METTL21C: variants seen among roughly 807,000 people sequenced by gnomAD.
METTL21C encodes methyltransferase 21C, AARS1 lysine.
In METTL21C, 21 loss-of-function variants were observed where a neutral mutation model predicts 25.9. That is an observed-to-expected ratio of 0.81 (90% CI 0.58 to 1.17). The LOEUF (loss-of-function observed/expected upper bound fraction) is 1.17, where lower values mean the gene tolerates loss of function less well. Ranked by LOEUF, METTL21C falls within the 50% of genes most tolerant of loss-of-function variation. The probability of loss-of-function intolerance (pLI) is 0.00; values close to 1 mark genes in which losing one functional copy is unlikely to be tolerated. For synonymous variants in METTL21C, 125 were observed against 124.7 expected (o/e 1.00, Z -0.01); for missense variants, 312 against 315.1 (o/e 0.99, Z 0.07).
chr13:102,702,887 A>G, the METTL21C span, among the ~76,000 whole-genome samples: 3 of 152,294 alleles, frequency 2.0e-5, no homozygotes, highest in East Asian at 5.8e-4. Context: ...CACTGCAACC[A>G]ACCCCAAAAA....
chr13:102,688,604 TA>T (rs1361481921), intron 2 of METTL21C, among the ~76,000 whole-genome samples: 1 of 151,844 alleles, frequency 6.6e-6, no homozygotes, highest in East Asian at 1.9e-4. Context: ...CTCCAGAGCT[TA>T]GAAGGGAAGT....
At chr13:102,692,741 G>A (rs1220007729) in intron 1 of METTL21C, among the ~76,000 whole-genome samples, 1 of 152,202 alleles carries the variant, frequency 6.6e-6, no homozygotes, top group Non-Finnish European at 1.5e-5. Context: ...TGGGACCTCA[G>A]TGAACTTGCA....
upstream of METTL21C, among the ~76,000 whole-genome samples, chr13:102,696,859 A>G (rs1885954866): frequency 6.6e-6 from 1 of 152,140 alleles, no homozygotes; most frequent in Non-Finnish European, 1.5e-5. Context: ...TATTGAGCGA[A>G]ACTCTGAGTG....
the METTL21C span, among the ~76,000 whole-genome samples, chr13:102,703,142 C>T: frequency 4.7e-4 from 72 of 152,254 alleles, no homozygotes; most frequent in African/African-American, 1.6e-3. Context: ...TGACATTTAC[C>T]AATGACACCT....
chr13:102,690,936 A>G lies in METTL21C; in HGVS notation c.159T>C (p.His53=). Residue 53 remains histidine, a synonymous_variant, in exon 2 of 4, where the codon CAT becomes CAC. Transcript: ENST00000267273. ...EESNKIEPSL[H]SLQKFVPTDY... is the part of the protein sequence containing the mutation. ...CTGTAGGAACAAATTTCTGGAGGCT[A>G]TGAAGAGATGGTTCTATCTTGTTGG... 2.5e-6 allele frequency: 4 copies of G among 1,614,204 alleles called. No homozygotes were observed. Among genetic ancestry groups the G allele is most frequent in the Admixed American group, 3.3e-5 (2 of 60,020 alleles).
At position 102,686,019 on chromosome 13, in the gene METTL21C, A is replaced by AT; in HGVS notation, c.*11dup. ...AAGACACAGTAACGTTGTGAAAGGCATTTTGTTGGATTTAGTCCCATTTTA... is the reference window on the plus strand; with the variant it reads ...AAGACACAGTAACGTTGTGAAAGGCATTTTTGTTGGATTTAGTCCCATTTTA... On this transcript the variant is annotated 3_prime_UTR_variant, in exon 4 of 4. Transcript: ENST00000267273. 1 of 1,549,756 alleles carries AT rather than the reference A, an allele frequency of 6.5e-7. No homozygotes were observed. Among genetic ancestry groups the AT allele is most frequent in the Non-Finnish European group, 8.7e-7 (1 of 1,146,946 alleles).
the METTL21C span, among the ~76,000 whole-genome samples, chr13:102,701,884 G>A: frequency 1.3e-5 from 2 of 152,080 alleles, no homozygotes; most frequent in Non-Finnish European, 2.9e-5. Context: ...AGGGGACTTC[G>A]GCAGGGCCCA....
chr13:102,696,061 C>CT (rs199772926), upstream of METTL21C, among the ~76,000 whole-genome samples: 21 of 148,694 alleles, frequency 1.4e-4, no homozygotes, highest in South Asian at 2.1e-4. Context: ...ACCTCACCAA[C>CT]TTTTTTTTTT....
At chr13:102,692,722 C>T (rs1200464643) in intron 1 of METTL21C, among the ~76,000 whole-genome samples, 1 of 152,280 alleles carries the variant, frequency 6.6e-6, no homozygotes, top group Admixed American at 6.5e-5. Context: ...AGGTGAGCTT[C>T]CAGAAACCTG....
chr13:102,691,567 C>T (rs1323643630), intron 1 of METTL21C, among the ~76,000 whole-genome samples: 1 of 152,218 alleles, frequency 6.6e-6, no homozygotes, highest in African/African-American at 2.4e-5. Flanking sequence ...TCAGGCTGGT[C>T]TCAAACTCCT....
upstream of METTL21C, among the ~76,000 whole-genome samples, chr13:102,695,948 A>T (rs1161152605): frequency 1.3e-5 from 2 of 152,262 alleles, no homozygotes; most frequent in African/African-American, 2.4e-5. Flanking sequence ...ATGTAGACAC[A>T]CACATAGACA....
chr13:102,689,956 G>A (rs1402313167), intron 2 of METTL21C, among the ~76,000 whole-genome samples: 1 of 152,202 alleles, frequency 6.6e-6, no homozygotes, highest in Non-Finnish European at 1.5e-5. Context: ...AAACGGAGGT[G>A]AGGTGAACAT....
At chr13:102,700,854 A>G in the METTL21C span, among the ~76,000 whole-genome samples, 1 of 151,884 alleles carries the variant, frequency 6.6e-6, no homozygotes, top group East Asian at 1.9e-4. Context: ...TGACTCTGAC[A>G]CCCTACGACT....
At chr13:102,693,188 T>C (rs560388313) in intron 1 of METTL21C, among the ~76,000 whole-genome samples, 1 of 152,314 alleles carries the variant, frequency 6.6e-6, no homozygotes, top group African/African-American at 2.4e-5. Context: ...AGAGCATAGA[T>C]ATTAGGAAGA....
chr13:102,697,838 C>T (rs1885970658), upstream of METTL21C, among the ~76,000 whole-genome samples: 1 of 152,150 alleles, frequency 6.6e-6, no homozygotes, highest in South Asian at 2.1e-4. Context: ...TGCCACAAGA[C>T]CAGCAACAGG....
At chr13:102,690,718 T>C in intron 2 of METTL21C, 95 bp downstream of exon 2, 1 of 1,425,466 alleles carries the variant, frequency 7.0e-7, no homozygotes, top group Non-Finnish European at 9.5e-7. Context: ...AGAAGCAGGA[T>C]ATGAAGGAAC....
At chr13:102,697,573 C>A (rs1003258231), upstream of METTL21C, among the ~76,000 whole-genome samples, 9 of 152,014 alleles carry the variant, frequency 5.9e-5, no homozygotes, top group Non-Finnish European at 5.9e-5. Context: ...GAGTTGTTCC[C>A]GCCTCCCCTG....
chr13:102,698,705 G>A (rs531372614), upstream of METTL21C, among the ~76,000 whole-genome samples: 8 of 152,084 alleles, frequency 5.3e-5, no homozygotes, highest in Admixed American at 1.3e-4. Flanking sequence ...CAGAACTCTC[G>A]GGGAGATGGA....
chr13:102,686,549 C>T lies in METTL21C; in HGVS notation c.401-124G>A, dbSNP rs1442891357. ...TGGCTCTATTGGTGGGTGGGCTGGA[C>T]ATGTTTGACCTAATGTGGGCTGGCT... On this transcript the variant is annotated intron_variant, in intron 3 of 3. Coordinates refer to ENST00000267273, the MANE Select transcript of METTL21C (RefSeq NM_001010977.3). 5 of 1,125,708 alleles carry T rather than the reference C, an allele frequency of 4.4e-6. No individual in the cohort carries two copies. In the African/African-American group the frequency reaches 7.9e-5, roughly 18 times the overall value. The allele number at this position is 1,125,708 out of a possible 1,614,324, so 69.7% of individuals were successfully genotyped here.
Sources: allele counts gnomAD v4.1 joint callset (sites outside exome capture counted in the v4.1 genomes callset), GRCh38; gene constraint gnomAD v4.1.1; transcripts MANE v1.5; gene names NCBI Gene and HGNC (gene_info 2026-07-23, HGNC 2026-07-21).